The following ZNF662 variants were observed in gnomAD, a reference collection of about 807,000 sequenced individuals.
The protein encoded by ZNF662 is zinc finger protein 662.
In ZNF662, 14 loss-of-function variants were observed where a neutral mutation model predicts 12.4. The ratio of observed to expected loss-of-function variants is 1.13; its 90% CI spans 0.75 to 1.77. The LOEUF is 1.77. Among genes scored for constraint, ZNF662 ranks in the 40% most tolerant of loss-of-function variants. The pLI, the probability that ZNF662 is intolerant of heterozygous loss-of-function variation, is 0.00. For missense variants in ZNF662, 550 were observed against 515.6 expected, an observed-to-expected ratio of 1.07 and a Z score of -0.65; for synonymous variants, 184 against 176.4, an observed-to-expected ratio of 1.04 and a Z score of -0.34.
rs1008548869 is a variant in ZNF662 at position 42,908,610 on chromosome 3, T to A, written c.35-183T>A. On this transcript the variant is annotated intron_variant, in intron 2 of 4. Coordinates refer to ENST00000440367, the MANE Select transcript of ZNF662 (RefSeq NM_207404.4). Reference sequence around the variant, plus strand: ...ACAGTTACTGAGTCGTCTGTCAACTTCCTGACCTTTGTAAGTCTCCTGGCC... The same window carrying A: ...ACAGTTACTGAGTCGTCTGTCAACTACCTGACCTTTGTAAGTCTCCTGGCC... The A allele has an allele frequency of 9.3e-5, 135 of 1,450,458 alleles. 1 individual carries two copies. The Admixed American group carries it at 2.8e-3, about 30-fold the overall frequency. The allele number at this position is 1,450,458 out of a possible 1,614,324, so 89.8% of individuals were successfully genotyped here. A position where few individuals can be genotyped will look rare whatever the true frequency, so the allele number is the denominator to read the frequency against.
At chr3:42,908,276 G>C in intron 2 of ZNF662, 128 bp downstream of exon 2, 1 of 1,451,462 alleles carries the variant, frequency 6.9e-7, no homozygotes, top group Non-Finnish European at 9.1e-7. Flanking sequence ...GATTTTTAAT[G>C]ACCTAACCTC....
intron 3 of ZNF662, chr3:42,912,145 A>G (rs1167154733): frequency 1.5e-5 from 2 of 129,190 alleles, no homozygotes; most frequent in East Asian, 6.3e-4. Flanking sequence ...TATCCTTTAT[A>G]TAAATATATA....
intron 2 of ZNF662, 62 bp downstream of exon 2, chr3:42,908,210 T>A: frequency 6.4e-7 from 1 of 1,560,298 alleles, no homozygotes; most frequent in South Asian, 1.2e-5. Context: ...TCCTTTTTTC[T>A]CAAAGGCTCA....
chr3:42,914,317 CT>C lies in ZNF662; in HGVS notation c.254-4del. Reference sequence around the variant, plus strand: ...ATGATGACATTTGAAGCTCCAATTTCTTTTTTCAGAGGGTGTGTTGAAGAGG... The same window carrying C: ...ATGATGACATTTGAAGCTCCAATTTCTTTTTCAGAGGGTGTGTTGAAGAGG... On this transcript the variant is annotated splice_polypyrimidine_tract_variant and intron_variant, in intron 4 of 4. Coordinates refer to ENST00000440367, the MANE Select transcript of ZNF662 (RefSeq NM_207404.4). 2.5e-6 allele frequency: 4 copies of C among 1,575,408 alleles called. No homozygotes were observed. The highest frequency in any genetic ancestry group is 3.4e-6 in the Non-Finnish European group (4 of 1,165,890).
intron 3 of ZNF662, among the ~76,000 whole-genome samples, chr3:42,909,530 C>A (rs974356136): frequency 1.3e-5 from 2 of 152,016 alleles, no homozygotes; most frequent in African/African-American, 2.4e-5. Flanking sequence ...CTTTTCTATT[C>A]GACAAAACCG....
At position 42,915,320 on chromosome 3, in the gene ZNF662, A is replaced by AT; in HGVS notation, c.1248dup (p.Asn417Ter). The AT allele has an allele frequency of 6.3e-7, 1 of 1,593,508 alleles. No homozygotes were observed. The highest frequency in any genetic ancestry group is 8.5e-7 in the Non-Finnish European group (1 of 1,171,382). On this transcript the variant is annotated frameshift_variant, in exon 5 of 5. Coordinates refer to ENST00000440367, the MANE Select transcript of ZNF662 (RefSeq NM_207404.4). LOFTEE classifies it low-confidence loss of function (END_TRUNC). ...AGGCGCCATGCTAGAGACAAACCCT[A>AT]TAACTGTCAGATCTCTCACCTTCTT...
rs917268177 is a variant in ZNF662, at chr3:42,915,709, T to C, written c.*355T>C. ...TCAGGGTTGCTCAGTTAGTAAGTTATAGAGTTGAAATTGGAGCCAGGCCTA... is the reference window on the plus strand; with the variant it reads ...TCAGGGTTGCTCAGTTAGTAAGTTACAGAGTTGAAATTGGAGCCAGGCCTA... On this transcript the variant is annotated 3_prime_UTR_variant, in exon 5 of 5. Transcript: ENST00000440367. The C allele has an allele frequency of 1.6e-5, 3 of 192,048 alleles. No individual in the cohort carries two copies. The highest frequency in any genetic ancestry group is 2.3e-5 in the African/African-American group (1 of 42,656). 11.9% of individuals were successfully genotyped at this position (192,048 alleles called of 1,614,324 possible).
chr3:42,908,868 G>C lies in ZNF662; in HGVS notation c.110G>C (p.Arg37Pro), dbSNP rs781485218. ...RGETPWCSVP[R>P]GALDGEAPRG... is the part of the protein sequence containing the mutation. The stretch of plus-strand genomic sequence containing the variant: ...GAAACACCCTGGTGCTCGGTTCCTC[G>C]GGGAGCTCTGGATGGAGAGGCCCCA... Residue 37 changes from arginine to proline, a missense_variant, in exon 3 of 5, where the codon CGG (arginine) becomes CCG (proline). By Grantham distance (103) the Arg-to-Pro change is moderately radical (BLOSUM62 -2). Coordinates refer to ENST00000440367, the MANE Select transcript of ZNF662 (RefSeq NM_207404.4). 1 of 1,613,520 alleles carries C rather than the reference G, an allele frequency of 6.2e-7. No individual in the cohort carries two copies. Among genetic ancestry groups the C allele is most frequent in the Non-Finnish European group, 8.5e-7 (1 of 1,179,466 alleles).
In ZNF662 at chr3:42,917,172, A is replaced by G; in HGVS notation, c.*1818A>G. ...ATCTCTTCCCCTTCTCTCTGGGAACAGTTACCCGGGTATTCTTTGGGAAGC... is the reference window on the plus strand; with the variant it reads ...ATCTCTTCCCCTTCTCTCTGGGAACGGTTACCCGGGTATTCTTTGGGAAGC... On this transcript the variant is annotated 3_prime_UTR_variant, in exon 5 of 5. Transcript: ENST00000440367. 1 of 309,040 alleles carries G rather than the reference A, an allele frequency of 3.2e-6. No homozygotes were observed. Among genetic ancestry groups the G allele is most frequent in the Non-Finnish European group, 5.8e-6 (1 of 171,374 alleles). The allele number at this position is 309,040 out of a possible 1,614,324, so 19.1% of individuals were successfully genotyped here. A position where few individuals can be genotyped will look rare whatever the true frequency, so the allele number is the denominator to read the frequency against.
At chr3:42,914,254 A>T in intron 4 of ZNF662, 73 bp from the exon 5 acceptor site, 2 of 1,357,890 alleles carry the variant, frequency 1.5e-6, no homozygotes, top group South Asian at 2.8e-5. Flanking sequence ...TGGACGTATT[A>T]ATACCACTTG....
Position 42,913,202 on chromosome 3 carries a change from A to C in ZNF662, c.153A>C (p.Gly51=). 1 of 1,612,868 alleles carries C rather than the reference A, an allele frequency of 6.2e-7. No homozygotes were observed. Among genetic ancestry groups the C allele is most frequent in the South Asian group, 1.1e-5 (1 of 91,036 alleles). ...TTATTTGTATCTTGACCCTGGCAGGATATCCATTTCTAAAGCCTGCTGGGA... is the reference window on the plus strand; with the variant it reads ...TTATTTGTATCTTGACCCTGGCAGGCTATCCATTTCTAAAGCCTGCTGGGA... The part of the protein sequence containing the change: ...DGEAPRGISS[G]YPFLKPAGIS... Residue 51 remains glycine (G), a splice_region_variant and synonymous_variant, in exon 4 of 5, where the codon GGA becomes GGC. Transcript: ENST00000440367.
chr3:42,914,042 C>T, intron 4 of ZNF662, among the ~76,000 whole-genome samples: 1 of 151,466 alleles, frequency 6.6e-6, no homozygotes, highest in East Asian at 1.9e-4. Context: ...AGGAGGAATT[C>T]TGACTTTGTT....
intron 3 of ZNF662, among the ~76,000 whole-genome samples, chr3:42,912,528 AATAC>A (rs1218156144): frequency 1.1e-5 from 1 of 94,398 alleles, no homozygotes; most frequent in Non-Finnish European, 1.9e-5. Context: ...TTAATATATA[AATAC>A]ATATATTTAT....
Position 42,915,199 on chromosome 3 carries a change from A to G in ZNF662, c.1126A>G (p.Ile376Val), listed in dbSNP as rs774859200. Residue 376 changes from isoleucine to valine, a missense_variant, in exon 5 of 5, where the codon ATT becomes GTT. Physicochemically the swap from Ile to Val is conservative, Grantham distance 29. Transcript: ENST00000440367. ...AAGCTTCTTTTGCAAGGCACATCTT[A>G]TTCGACATCAAAGAATCCATACTGG... ...GKSFFCKAHLIRHQRIHTGER... is the reference protein window; with the variant it reads ...GKSFFCKAHLVRHQRIHTGER... 2 of 1,614,044 alleles carry G rather than the reference A, an allele frequency of 1.2e-6. No homozygotes were observed. The highest frequency in any genetic ancestry group is 2.2e-5 in the South Asian group (2 of 91,074).
rs1209834758 is a variant in ZNF662 at position 42,906,429 on chromosome 3, C to T, written c.-94+261C>T. On this transcript the variant is annotated intron_variant, in intron 1 of 4. Transcript: ENST00000440367. The surrounding 1 kb of genome is among the most constrained non-coding windows in gnomAD (Gnocchi z 4.4). Reference sequence around the variant, plus strand: ...TGCTCCCGGGACAGCCCGCGCTGCCCCGGGCGCGCCGGGTGAGTGCGGGGC... The same window carrying T: ...TGCTCCCGGGACAGCCCGCGCTGCCTCGGGCGCGCCGGGTGAGTGCGGGGC... The T allele has an allele frequency of 2.0e-6, 3 of 1,468,494 alleles. No individual in the cohort carries two copies. Among genetic ancestry groups the T allele is most frequent in the Admixed American group, 2.4e-5 (1 of 42,280 alleles). 91.0% of individuals were successfully genotyped at this position (1,468,494 alleles called of 1,614,324 possible).
In ZNF662 at chr3:42,915,352, T is replaced by TA; in HGVS notation, c.1280dup (p.Ter427=). 1.3e-6 allele frequency: 2 copies of TA among 1,559,216 alleles called. No individual in the cohort carries two copies. The highest frequency in any genetic ancestry group is 1.2e-5 in the South Asian group (1 of 80,050). The change falls in exon 5 of 5, where the codon TAG becomes TAAG. Residue 427 remains the stop codon, a frameshift_variant and stop_retained_variant. Transcript: ENST00000440367. LOFTEE classifies it high-confidence loss of function. ...TCAGATCTCTCACCTTCTTGAACAT[T>TA]AGAGAGTGCATAATGGTGATACTTG... The part of the protein sequence containing the change: ...NCQISHLLEH[*]
In ZNF662 at chr3:42,908,923, C is replaced by T; in HGVS notation, c.151+14C>T. The T allele has an allele frequency of 6.4e-7, 1 of 1,571,448 alleles. No individual in the cohort carries two copies. The highest frequency in any genetic ancestry group is 8.7e-7 in the Non-Finnish European group (1 of 1,144,136). ...GCATCTCCTCAGGTGAGTGAGGGCA[C>T]ACGTGCCGGTCATCTGACCAGTTTT... On this transcript the variant is annotated intron_variant, in intron 3 of 4. Transcript: ENST00000440367.
intron 3 of ZNF662, among the ~76,000 whole-genome samples, chr3:42,912,250 AAATAT>A (rs916693083): frequency 5.0e-4 from 65 of 131,246 alleles, no homozygotes; most frequent in Middle Eastern, 4.0e-3. Context: ...ATATAAATAA[AAATAT>A]AATATATATC....
In ZNF662 at chr3:42,906,517, C is replaced by A; in HGVS notation, c.-94+349C>A. ...TAGGCCCGGAGACGGGGTGGTGCGG[C>A]GGCTGGGAAATGGGGGTACAACCCA... On this transcript the variant is annotated intron_variant, in intron 1 of 4. Transcript: ENST00000440367. This position sits in a 1 kb window ranked among gnomAD's most constrained non-coding sequence, Gnocchi z 4.4. 7.7e-7 allele frequency: 1 copy of A among 1,305,130 alleles called. No homozygotes were observed. Among genetic ancestry groups the A allele is most frequent in the Non-Finnish European group, 1.0e-6 (1 of 1,002,110 alleles). 80.8% of individuals were successfully genotyped at this position (1,305,130 alleles called of 1,614,324 possible).
Sources: gnomAD v4.1 joint callset for allele counts (sites outside exome capture counted in the v4.1 genomes callset) on GRCh38, gnomAD v4.1.1 for gene constraint, Gnocchi (gnomAD v3.1) non-coding constraint, MANE v1.5 for transcripts, NCBI Gene and HGNC (gene_info 2026-07-23, HGNC 2026-07-21) for gene names.